Variants in SBNO2 observed in about 807,000 individuals in gnomAD.
SBNO2 encodes strawberry notch homolog 2, also known as protein strawberry notch homolog 2.
SBNO2 carries 89 observed loss-of-function variants against 146.3 expected under a neutral mutation model. That is an observed-to-expected ratio of 0.61 (90% CI 0.51 to 0.73). The LOEUF (loss-of-function observed/expected upper bound fraction) is 0.73, where lower values mean the gene tolerates loss of function less well. Among genes scored for constraint, SBNO2 ranks in the 30% least tolerant of loss-of-function variants. The pLI, the probability that SBNO2 is intolerant of heterozygous loss-of-function variation, is 0.00. For missense variants in SBNO2, 2,092 were observed against 2,003.7 expected (o/e 1.04, Z -0.84); for synonymous variants, 1,147 against 892.6 (o/e 1.29, Z -5.08).
rs751997215 is a variant in SBNO2, at chr19:1,123,542, G to A, written c.620C>T (p.Pro207Leu). 1.9e-5 allele frequency: 30 copies of A among 1,613,190 alleles called. No homozygotes were observed. The highest frequency in any genetic ancestry group is 2.4e-5 in the Non-Finnish European group (28 of 1,179,682). ...GHTETYADYV[P>L]SKSKIGKQHP... ...GCAGCCGGGCCACTCACACTTGGAC[G>A]GCACGTAGTCGGCGTAGGTCTCTGT... The change falls in exon 7 of 32, where the codon CCG becomes CTG. Residue 207 changes from proline (P) to leucine (L), a missense_variant. By Grantham distance (98) the Pro-to-Leu change is moderately conservative. Transcript: ENST00000361757.
intron 1 of SBNO2, among the ~76,000 whole-genome samples, chr19:1,172,548 G>C (rs1435489563): frequency 2.0e-5 from 3 of 152,318 alleles, no homozygotes; most frequent in Admixed American, 6.5e-5. Flanking sequence ...GAGTCAGGGA[G>C]AGACATCCCA....
chr19:1,122,619 C>G (rs1568577308), intron 9 of SBNO2, 39 bp downstream of exon 9: 5 of 1,504,170 alleles, frequency 3.3e-6, no homozygotes, highest in Admixed American at 2.0e-5. Flanking sequence ...TTCCGCCCCC[C>G]ACCCCCGCTC....
At position 1,110,934 on chromosome 19, in the gene SBNO2, C is replaced by T; in HGVS notation, c.2885-46G>A. The stretch of plus-strand genomic sequence containing the variant: ...GCCTCAGGCTGCGCTGGGAATCCCT[C>T]TCCCTGCTTTGCTCACCACCCGAGG... On this transcript the variant is annotated intron_variant, in intron 25 of 31. Transcript: ENST00000361757. The surrounding 1 kb of genome is among the most constrained non-coding windows in gnomAD (Gnocchi z 4.9). The T allele has an allele frequency of 6.2e-7, 1 of 1,611,164 alleles. No individual in the cohort carries two copies. The highest frequency in any genetic ancestry group is 1.1e-5 in the South Asian group (1 of 91,016).
intron 14 of SBNO2, among the ~76,000 whole-genome samples, chr19:1,118,232 G>A (rs1356866861): frequency 6.6e-6 from 1 of 152,222 alleles, no homozygotes; most frequent in East Asian, 1.9e-4. Flanking sequence ...CAGCTACGCG[G>A]GAGGCTGAGG....
rs1279103610 is a variant in SBNO2 at position 1,112,857 on chromosome 19, C to T, written c.2340G>A (p.Val780=). 4 of 1,576,428 alleles carry T rather than the reference C, an allele frequency of 2.5e-6. No individual in the cohort carries two copies. The highest frequency in any genetic ancestry group is 3.4e-6 in the Non-Finnish European group (4 of 1,162,806). ...RAEQGLSIDH[V]NLREKQRFMS... ...TGAAGCGCTGCTTCTCCCTGAGGTT[C>T]ACGTGGTCGATGGACAGACCCTGCT... The change falls in exon 20 of 32, where the codon GTG becomes GTA. Residue 780 remains valine, a synonymous_variant. Transcript: ENST00000361757. The surrounding 1 kb of genome is among the most constrained non-coding windows in gnomAD (Gnocchi z 5.9).
intron 6 of SBNO2, 88 bp from the exon 7 acceptor site, chr19:1,123,727 C>T: frequency 7.4e-7 from 1 of 1,351,000 alleles, no homozygotes; most frequent in Non-Finnish European, 1.0e-6. Context: ...CCAGGCTGAC[C>T]ATGGGCAGCT....
At chr19:1,164,699 CAGG>C (rs1186629683) in intron 1 of SBNO2, among the ~76,000 whole-genome samples, 11 of 2,048 alleles carry the variant, frequency 5.4e-3, no homozygotes, top group African/African-American at 0.021. Flanking sequence ...GGAGGAAGAA[CAGG>C]AGGAGGAGGA....
chr19:1,113,061 T>G, intron 19 of SBNO2, 112 bp from the exon 20 acceptor site: 1 of 1,264,272 alleles, frequency 7.9e-7, no homozygotes, highest in Non-Finnish European at 1.1e-6. Context: ...CTCCCAGCTG[T>G]GCACGGGAGG....
At chr19:1,124,452 C>G (rs2079942203) in intron 5 of SBNO2, among the ~76,000 whole-genome samples, 1 of 151,842 alleles carries the variant, frequency 6.6e-6, no homozygotes, top group African/African-American at 2.4e-5. Flanking sequence ...GCCTGGGAGA[C>G]AAGGGGTTGG....
intron 1 of SBNO2, among the ~76,000 whole-genome samples, chr19:1,164,983 G>A (rs994810329): frequency 6.6e-6 from 1 of 151,928 alleles, no homozygotes; most frequent in Non-Finnish European, 1.5e-5. Context: ...AGGAGGAGGA[G>A]GAGGAGGAGG....
rs1434824483 is a variant in SBNO2, at chr19:1,112,423, C to G, written c.2494G>C (p.Asp832His). The change falls in exon 21 of 32, where the codon GAC (aspartate) becomes CAC (histidine). Residue 832 changes from aspartate (D) to histidine (H), a missense_variant. Transcript: ENST00000361757. The surrounding 1 kb of genome is among the most constrained non-coding windows in gnomAD (Gnocchi z 5.9). ...HMTLELPWSA[D>H]RAIQQFGRTH... ...TCACCGAACTGCTGGATGGCGCGGTCGGCGCTCCACGGCAGCTCCAAGGTC... is the reference window on the plus strand; with the variant it reads ...TCACCGAACTGCTGGATGGCGCGGTGGGCGCTCCACGGCAGCTCCAAGGTC... 1.2e-6 allele frequency: 2 copies of G among 1,604,908 alleles called. No individual in the cohort carries two copies. The highest frequency in any genetic ancestry group is 1.7e-6 in the Non-Finnish European group (2 of 1,178,026).
intron 1 of SBNO2, among the ~76,000 whole-genome samples, chr19:1,167,463 C>T (rs2080436897): frequency 1.3e-5 from 2 of 152,226 alleles, no homozygotes; most frequent in African/African-American, 4.8e-5. Context: ...GGGCGGGATT[C>T]TGCTCCCTGT....
chr19:1,148,346 C>T (rs77111273), intron 3 of SBNO2, among the ~76,000 whole-genome samples: 5,320 of 152,084 alleles, frequency 0.035, 283 homozygotes, highest in East Asian at 0.25. Flanking sequence ...TGGAGTCTCC[C>T]AAGGCTCTGG....
intron 14 of SBNO2, 72 bp downstream of exon 14, chr19:1,118,939 C>T: frequency 6.8e-7 from 1 of 1,481,174 alleles, no homozygotes; most frequent in Non-Finnish European, 9.1e-7. Flanking sequence ...CCTGTGGCAT[C>T]TGCAAGGCCA....
chr19:1,153,183 GAAATA>G (rs1224463441), intron 2 of SBNO2, among the ~76,000 whole-genome samples: 2 of 150,486 alleles, frequency 1.3e-5, no homozygotes, highest in African/African-American at 2.4e-5. Flanking sequence ...AAAATAAAAT[GAAATA>G]AAATAAAAAT....
chr19:1,117,482 G>A lies in SBNO2; in HGVS notation c.1545C>T (p.Asn515=), dbSNP rs1015730492. The A allele has an allele frequency of 3.1e-5, 49 of 1,584,434 alleles. No individual in the cohort carries two copies. Among genetic ancestry groups the A allele is most frequent in the Non-Finnish European group, 3.7e-5 (43 of 1,167,098 alleles). The part of the protein sequence containing the change: ...RAALLWAEAL[N]VFQQAADWIG... ...TCCAGTCGGCCGCCTGCTGGAACACGTTCAGGGCCTCGGCCCACTGCAATG... is the reference window on the plus strand; with the variant it reads ...TCCAGTCGGCCGCCTGCTGGAACACATTCAGGGCCTCGGCCCACTGCAATG... Residue 515 remains asparagine, a synonymous_variant, in exon 15 of 32, where the codon AAC becomes AAT. Coordinates refer to ENST00000361757, the MANE Select transcript of SBNO2 (RefSeq NM_014963.3).
In SBNO2 at chr19:1,144,989, C is replaced by G. The variant is rs894393396; in HGVS notation, c.279+2320G>C. On this transcript the variant is annotated intron_variant, in intron 4 of 31. Transcript: ENST00000361757. This position sits in a 1 kb window ranked among gnomAD's most constrained non-coding sequence, Gnocchi z 4.1. ...ACAGAGACAGAGACTGAGAGGGAGACAGAGAGATGGAGCATAGAGGGAGAC... is the reference window on the plus strand; with the variant it reads ...ACAGAGACAGAGACTGAGAGGGAGAGAGAGAGATGGAGCATAGAGGGAGAC... Among the ~76,000 whole-genome samples the G allele has an allele frequency of 1.4e-5, 2 of 137,942 alleles. No homozygotes were observed. Among genetic ancestry groups the G allele is most frequent in the African/African-American group, 5.6e-5 (2 of 35,950 alleles). The allele number at this position is 137,942 out of a possible 152,430, so 90.5% of individuals were successfully genotyped here. A position where few individuals can be genotyped will look rare whatever the true frequency, so the allele number is the denominator to read the frequency against.
chr19:1,111,834 A>C (rs2079764785), intron 23 of SBNO2, among the ~76,000 whole-genome samples, 162 bp downstream of exon 23: 1 of 148,240 alleles, frequency 6.7e-6, no homozygotes, highest in East Asian at 2.0e-4. Flanking sequence ...GAGCCCCTAG[A>C]AGCCCCCTTC....
intron 4 of SBNO2, chr19:1,128,405 T>G (rs1386385610): frequency 1.0e-5 from 3 of 292,764 alleles, no homozygotes; most frequent in Non-Finnish European, 2.0e-5. Context: ...TCATTTTTTT[T>G]TTTTTGAGAC....
Sources: allele counts gnomAD v4.1 joint callset (sites outside exome capture counted in the v4.1 genomes callset), GRCh38; gene constraint gnomAD v4.1.1; non-coding constraint Gnocchi (gnomAD v3.1); transcripts MANE v1.5; gene names NCBI Gene and HGNC (gene_info 2026-07-23, HGNC 2026-07-21).